The following PARP8 variants were observed in gnomAD, a reference collection of about 807,000 sequenced individuals.
PARP8 encodes the protein poly(ADP-ribose) polymerase family member 8, also known as protein mono-ADP-ribosyltransferase PARP8.
A neutral mutation model predicts 124.1 loss-of-function variants in PARP8; 51 were observed. The ratio of observed to expected loss-of-function variants is 0.41; its 90% CI spans 0.33 to 0.52. The LOEUF (loss-of-function observed/expected upper bound fraction) is 0.52. Among genes scored for constraint, PARP8 ranks in the 20% least tolerant of loss-of-function variants. PARP8 has a pLI of 0.21. For missense variants in PARP8, 860 were observed against 1,018.9 expected (o/e 0.84, Z 2.12); for synonymous variants, 391 against 361.5 (o/e 1.08, Z -0.93).
At chr5:50,800,552 A>T (rs1743089246) in intron 14 of PARP8, among the ~76,000 whole-genome samples, 2 of 152,172 alleles carry the variant, frequency 1.3e-5, no homozygotes, top group South Asian at 4.1e-4. Context: ...TTTTTCATAG[A>T]TGCCACTTAC....
At chr5:50,693,354 T>G (rs879567444) in intron 2 of PARP8, among the ~76,000 whole-genome samples, 3 of 152,158 alleles carry the variant, frequency 2.0e-5, no homozygotes, top group Admixed American at 1.3e-4. Context: ...GTTCTGAAGC[T>G]CTTAGGAAAT....
At chr5:50,802,966 C>G (rs1743400119) in intron 14 of PARP8, among the ~76,000 whole-genome samples, 1 of 152,152 alleles carries the variant, frequency 6.6e-6, no homozygotes, top group Non-Finnish European at 1.5e-5. Context: ...ATCTGAAGAA[C>G]TCCCTTCATT....
chr5:50,682,029 T>C (rs1424639110), intron 2 of PARP8, among the ~76,000 whole-genome samples: 1 of 152,238 alleles, frequency 6.6e-6, no homozygotes, highest in Non-Finnish European at 1.5e-5. Flanking sequence ...CGTTTTCTTA[T>C]GTGCTTAATG....
rs143575001 is a variant in PARP8 at position 50,804,114 on chromosome 5, A to G, written c.1575+6881A>G. Reference sequence around the variant, plus strand: ...TGAGTTTTTCATAGTCCTTATGGACATCTCTTTTCCCAATCCTTTCTTCTA... The same window carrying G: ...TGAGTTTTTCATAGTCCTTATGGACGTCTCTTTTCCCAATCCTTTCTTCTA... On this transcript the variant is annotated intron_variant, in intron 14 of 25. Transcript: ENST00000281631. Among the ~76,000 whole-genome samples, 454 of 152,284 alleles carry G rather than the reference A, an allele frequency of 3.0e-3. 1 individual carries two copies. The highest frequency in any genetic ancestry group is 9.1e-3 in the African/African-American group (377 of 41,564).
At chr5:50,723,249 C>G (rs1756084534) in intron 2 of PARP8, among the ~76,000 whole-genome samples, 1 of 151,974 alleles carries the variant, frequency 6.6e-6, no homozygotes, top group Non-Finnish European at 1.5e-5. Context: ...AAAACTCACT[C>G]CAGAATTCTA....
chr5:50,734,779 T>C (rs1345014915), intron 2 of PARP8, among the ~76,000 whole-genome samples: 2 of 152,120 alleles, frequency 1.3e-5, no homozygotes, highest in Admixed American at 6.5e-5. Flanking sequence ...TGTTTATTTT[T>C]AGACATAGAG....
chr5:50,832,690 C>A, intron 22 of PARP8, 91 bp from the exon 23 acceptor site: 1 of 1,287,404 alleles, frequency 7.8e-7, no homozygotes, highest in South Asian at 1.3e-5. Flanking sequence ...AAACCTTTAC[C>A]TAGAATGGAA....
intron 2 of PARP8, among the ~76,000 whole-genome samples, chr5:50,679,973 C>T (rs1751091746): frequency 6.6e-6 from 1 of 152,112 alleles, no homozygotes; most frequent in African/African-American, 2.4e-5. Flanking sequence ...TCTTTGTCTC[C>T]ATGTAAAACA....
chr5:50,759,320 AC>A (rs1268771998), intron 3 of PARP8, among the ~76,000 whole-genome samples: 2 of 152,102 alleles, frequency 1.3e-5, no homozygotes, highest in Non-Finnish European at 2.9e-5. Flanking sequence ...ATTGGGAAGG[AC>A]CTTGTCCAGT....
chr5:50,828,174 T>C (rs1458541058), intron 20 of PARP8, 118 bp downstream of exon 20: 4 of 1,105,222 alleles, frequency 3.6e-6, no homozygotes, highest in Admixed American at 1.8e-5. Flanking sequence ...ATTCAACAGA[T>C]GGTCATGTAG....
intron 2 of PARP8, among the ~76,000 whole-genome samples, chr5:50,708,518 T>A (rs1754398535): frequency 6.6e-6 from 1 of 152,132 alleles, no homozygotes; most frequent in Non-Finnish European, 1.5e-5. Flanking sequence ...TAGAACTCAT[T>A]GTCCCTTATA....
rs1299758840 is a variant in PARP8, at chr5:50,828,302, G to GT, written c.2091-3dup. On this transcript the variant is annotated splice_polypyrimidine_tract_variant and intron_variant, in intron 20 of 25. Coordinates refer to ENST00000281631, the MANE Select transcript of PARP8 (RefSeq NM_024615.4). Reference sequence around the variant, plus strand: ...TGGTTTTGCTTTTTCCTTTCCGTCTGTTTTTTTAGTGGCTCACACATTGAA... The same window carrying GT: ...TGGTTTTGCTTTTTCCTTTCCGTCTGTTTTTTTTAGTGGCTCACACATTGAA... 1.2e-6 allele frequency: 2 copies of GT among 1,611,858 alleles called. No homozygotes were observed. The highest frequency in any genetic ancestry group is 1.7e-5 in the Admixed American group (1 of 59,632).
At chr5:50,827,216 A>G (rs1202576506) in intron 19 of PARP8, among the ~76,000 whole-genome samples, 1 of 152,176 alleles carries the variant, frequency 6.6e-6, no homozygotes, top group African/African-American at 2.4e-5. Context: ...AGCTTAAAAA[A>G]TAATAATTTG....
chr5:50,795,926 A>T (rs188919272), intron 12 of PARP8, among the ~76,000 whole-genome samples: 34 of 152,272 alleles, frequency 2.2e-4, no homozygotes, highest in African/African-American at 8.2e-4. Context: ...GCCTCACTTA[A>T]AGTTGTTCTT....
chr5:50,794,398 CA>C, intron 11 of PARP8, 66 bp downstream of exon 11: 1 of 1,554,836 alleles, frequency 6.4e-7, no homozygotes, highest in Non-Finnish European at 8.7e-7. Flanking sequence ...TTCATGCTTA[CA>C]GCATTCTTTC....
intron 9 of PARP8, among the ~76,000 whole-genome samples, chr5:50,786,986 A>C (rs1418393586): frequency 3.9e-5 from 6 of 152,176 alleles, no homozygotes; most frequent in African/African-American, 1.4e-4. Flanking sequence ...GTATTTGGTC[A>C]AATAACTAGT....
chr5:50,705,861 C>G (rs1433287329), intron 2 of PARP8, among the ~76,000 whole-genome samples: 1 of 152,060 alleles, frequency 6.6e-6, no homozygotes, highest in Non-Finnish European at 1.5e-5. Flanking sequence ...GATTTGTTGC[C>G]ATTTGCCTGC....
intron 3 of PARP8, among the ~76,000 whole-genome samples, chr5:50,754,639 A>G (rs1024561257): frequency 2.0e-5 from 3 of 152,128 alleles, no homozygotes; most frequent in Non-Finnish European, 2.9e-5. Flanking sequence ...TGCTGCAATA[A>G]ACGTACGTAT....
At position 50,801,800 on chromosome 5, in the gene PARP8, T is replaced by C. The variant is rs147208806; in HGVS notation, c.1575+4567T>C. The stretch of plus-strand genomic sequence containing the variant: ...GATTCATGTATTTTGGGAAATCTGT[T>C]GCTGGATACGTATATGTTTATAAGT... On this transcript the variant is annotated intron_variant, in intron 14 of 25. Transcript: ENST00000281631. 4.2e-3 allele frequency among the ~76,000 whole-genome samples: 636 copies of C among 152,342 alleles called. 3 individuals are homozygous for C. Among genetic ancestry groups the C allele is most frequent in the African/African-American group, 0.015 (607 of 41,580 alleles).
Sources: gnomAD v4.1 joint callset for allele counts (sites outside exome capture counted in the v4.1 genomes callset) on GRCh38, gnomAD v4.1.1 for gene constraint, MANE v1.5 for transcripts, NCBI Gene and HGNC (gene_info 2026-07-23, HGNC 2026-07-21) for gene names.